Variants in GPR139 observed in about 807,000 individuals in gnomAD.
GPR139 encodes the protein G protein-coupled receptor 139, also known as probable G protein-coupled receptor 139.
A neutral mutation model predicts 25.8 loss-of-function variants in GPR139; 12 were observed. The observed-to-expected ratio is 0.47, with a 90% CI of 0.30 to 0.75. The LOEUF (loss-of-function observed/expected upper bound fraction) is 0.75, where lower values mean the gene tolerates loss of function less well. Among genes scored for constraint, GPR139 ranks in the 30% least tolerant of loss-of-function variants. GPR139 has a pLI of 0.07. For missense variants in GPR139, 380 were observed against 450.2 expected (o/e 0.84, Z 1.41); for synonymous variants, 184 against 179.9 (o/e 1.02, Z -0.18).
chr16:20,049,487 T>C (rs1382574889), intron 1 of GPR139, among the ~76,000 whole-genome samples: 1 of 152,220 alleles, frequency 6.6e-6, no homozygotes, highest in African/African-American at 2.4e-5. Flanking sequence ...ATCTGTGCAA[T>C]GGGGACATCT....
rs761008511 is a variant in GPR139, at chr16:20,032,416, A to G, written c.381T>C (p.Tyr127=). Residue 127 remains tyrosine, a synonymous_variant, in exon 2 of 2, where the codon TAT becomes TAC. Transcript: ENST00000570682. ...WITVPLTIDR[Y]IAVCHPLKYH... is the part of the protein sequence containing the mutation. ...ACTTGAGCGGGTGGCAGACAGCGAT[A>G]TACCTGTCAATGGTTAACGGTACAG... 1.1e-5 allele frequency: 18 copies of G among 1,614,090 alleles called. No individual in the cohort carries two copies. The highest frequency in any genetic ancestry group is 1.4e-5 in the Non-Finnish European group (17 of 1,180,038).
intron 1 of GPR139, among the ~76,000 whole-genome samples, chr16:20,037,554 C>T (rs775916584): frequency 8.6e-5 from 13 of 151,860 alleles, no homozygotes; most frequent in Non-Finnish European, 1.5e-4. Context: ...GCAAGTGCAA[C>T]AGCCTTGTGG....
rs778045772 is a variant in GPR139 at position 20,031,749 on chromosome 16, T to C, written c.1048A>G (p.Lys350Glu). Reference protein sequence around the residue: ...YQYDKNGKPIKVSP With the variant: ...YQYDKNGKPIEVSP ...CACCTATGGAATCACGGGGATACTT[T>C]TATAGGTTTTCCATTTTTGTCATAC... Residue 350 changes from lysine to glutamate, a missense_variant, in exon 2 of 2, where the codon AAA becomes GAA. By Grantham distance (56) the Lys-to-Glu change is moderately conservative. Transcript: ENST00000570682. 38 of 1,613,816 alleles carry C rather than the reference T, an allele frequency of 2.4e-5. No homozygotes were observed. Among genetic ancestry groups the C allele is most frequent in the Middle Eastern group, 3.3e-4 (2 of 6,084 alleles).
Position 20,073,711 on chromosome 16 carries a change from AGCTG to A in GPR139, c.-99_-96del. 2.8e-6 allele frequency: 4 copies of A among 1,415,986 alleles called. No homozygotes were observed. Among genetic ancestry groups the A allele is most frequent in the Non-Finnish European group, 2.8e-6 (3 of 1,069,928 alleles). The allele number at this position is 1,415,986 out of a possible 1,614,324, so 87.7% of individuals were successfully genotyped here. ...TGGTGGCGGCGGCGGAGGCAGCGGCAGCTGGAGCAGCAGCGCCTCTCTCCCCGCA... is the reference window on the plus strand; with the variant it reads ...TGGTGGCGGCGGCGGAGGCAGCGGCAGAGCAGCAGCGCCTCTCTCCCCGCA... On this transcript the variant is annotated 5_prime_UTR_variant, in exon 1 of 2. Transcript: ENST00000570682. This position sits in a 1 kb window ranked among gnomAD's most constrained non-coding sequence, Gnocchi z 4.7.
intron 1 of GPR139, among the ~76,000 whole-genome samples, chr16:20,069,024 A>G (rs2057448574): frequency 6.6e-6 from 1 of 152,058 alleles, no homozygotes; most frequent in Non-Finnish European, 1.5e-5. Flanking sequence ...TAGATTTGCT[A>G]ATATTTTGTT....
chr16:20,061,749 C>T (rs1123252), intron 1 of GPR139, among the ~76,000 whole-genome samples: 42,446 of 152,154 alleles, frequency 0.28, 6,775 homozygotes, highest in South Asian at 0.45. Flanking sequence ...GTCACCTCCT[C>T]CCCACGCCTG....
chr16:20,071,970 C>G (rs1197210161), intron 1 of GPR139, among the ~76,000 whole-genome samples: 1 of 152,084 alleles, frequency 6.6e-6, no homozygotes, highest in Non-Finnish European at 1.5e-5. Context: ...GAGGTTCTTA[C>G]ACTTTTCCAG....
intron 1 of GPR139, among the ~76,000 whole-genome samples, chr16:20,049,589 C>T (rs895946247): frequency 4.6e-5 from 7 of 152,234 alleles, no homozygotes; most frequent in Non-Finnish European, 1.0e-4. Context: ...AAATAGAATT[C>T]ATTTCCCTAT....
At chr16:20,041,141 G>C (rs1222358925) in intron 1 of GPR139, among the ~76,000 whole-genome samples, 3 of 536 alleles carry the variant, frequency 5.6e-3, no homozygotes, top group Admixed American at 0.019. Flanking sequence ...GAGAGGAGAG[G>C]AGAGGAGACG....
Position 20,073,564 on chromosome 16 carries a change from G to A in GPR139, c.53C>T (p.Ser18Phe). ...LAANSSLSWW[S>F]PGSACGLGFV... ...ACCCAAGCCGCAGGCCGAGCCGGGG[G>A]ACCACCAAGACAGCGAGCTGTTGGC... is the stretch of plus-strand genomic sequence containing the variant. The change falls in exon 1 of 2, where the codon TCC becomes TTC. Residue 18 changes from serine (S) to phenylalanine (F), a missense_variant. Transcript: ENST00000570682. The surrounding 1 kb of genome is among the most constrained non-coding windows in gnomAD (Gnocchi z 4.7). 6.2e-7 allele frequency: 1 copy of A among 1,612,094 alleles called. No homozygotes were observed. Among genetic ancestry groups the A allele is most frequent in the Non-Finnish European group, 8.5e-7 (1 of 1,179,366 alleles).
In GPR139 at chr16:20,029,486, T is replaced by TAAATAAATAAATAA. The variant is rs76533933; in HGVS notation, c.*2248_*2249insTTATTTATTTATTT. Among the ~76,000 whole-genome samples, 4 of 120,466 alleles carry TAAATAAATAAATAA rather than the reference T, an allele frequency of 3.3e-5. No individual in the cohort carries two copies. Among genetic ancestry groups the TAAATAAATAAATAA allele is most frequent in the Non-Finnish European group, 5.0e-5 (3 of 59,626 alleles). 79.0% of individuals were successfully genotyped at this position (120,466 alleles called of 152,430 possible). A position where few individuals can be genotyped will look rare whatever the true frequency, so the allele number is the denominator to read the frequency against. On this transcript the variant is annotated 3_prime_UTR_variant, in exon 2 of 2. Coordinates refer to ENST00000570682, the MANE Select transcript of GPR139 (RefSeq NM_001002911.4). ...CATGTTTAAAAAATAAATAAATAAA[T>TAAATAAATAAATAA]ATATATATATATATATATTCAGTAT... is the stretch of plus-strand genomic sequence containing the variant.
intron 1 of GPR139, among the ~76,000 whole-genome samples, chr16:20,061,954 T>C (rs755129370): frequency 6.6e-5 from 10 of 152,226 alleles, no homozygotes; most frequent in Admixed American, 1.3e-4. Context: ...CCTTTCCCTC[T>C]AAGCCTCAGT....
intron 1 of GPR139, among the ~76,000 whole-genome samples, chr16:20,051,099 TAAAG>T (rs1219231499): frequency 7.1e-6 from 1 of 141,218 alleles, no homozygotes; most frequent in Non-Finnish European, 1.5e-5. Flanking sequence ...AAGAAGGAAA[TAAAG>T]AAAGAAACTT....
chr16:20,056,967 A>G (rs543847255), intron 1 of GPR139, among the ~76,000 whole-genome samples: 3 of 152,344 alleles, frequency 2.0e-5, no homozygotes, highest in Admixed American at 6.5e-5. Context: ...TCAAGTAATT[A>G]AAACATCTAC....
At chr16:20,070,830 G>T in intron 1 of GPR139, 1 of 365,388 alleles carries the variant, frequency 2.7e-6, no homozygotes, top group Non-Finnish European at 3.8e-6. Context: ...CAGTGGTGGA[G>T]TAATGAGAGT....
intron 1 of GPR139, among the ~76,000 whole-genome samples, chr16:20,053,708 G>A (rs980823805): frequency 6.6e-6 from 1 of 152,088 alleles, no homozygotes; most frequent in East Asian, 1.9e-4. Flanking sequence ...TATTTCAGAG[G>A]TATCCTGATT....
intron 1 of GPR139, among the ~76,000 whole-genome samples, chr16:20,058,123 T>C (rs1405530171): frequency 6.6e-6 from 1 of 152,228 alleles, no homozygotes; most frequent in East Asian, 1.9e-4. Flanking sequence ...AAGCACTCTA[T>C]GTATATTACA....
chr16:20,038,295 T>C lies in GPR139; in HGVS notation c.128-5626A>G, dbSNP rs955621055. Among the ~76,000 whole-genome samples, 8 of 150,170 alleles carry C rather than the reference T, an allele frequency of 5.3e-5. No homozygotes were observed. The East Asian group carries it at 1.6e-3, about 30-fold the overall frequency. On this transcript the variant is annotated intron_variant, in intron 1 of 1. Transcript: ENST00000570682. ...TGCTATATATATACACACACACACATACATACAGGTTTAAGTTCCTGGATA... is the reference window on the plus strand; with the variant it reads ...TGCTATATATATACACACACACACACACATACAGGTTTAAGTTCCTGGATA...
chr16:20,049,269 CTGTG>C (rs778257030), intron 1 of GPR139, among the ~76,000 whole-genome samples: 1 of 152,160 alleles, frequency 6.6e-6, no homozygotes, highest in Non-Finnish European at 1.5e-5. Flanking sequence ...AAGGCTCTCT[CTGTG>C]TGACATCCAT....
Sources: allele counts gnomAD v4.1 joint callset (sites outside exome capture counted in the v4.1 genomes callset), GRCh38; gene constraint gnomAD v4.1.1; non-coding constraint Gnocchi (gnomAD v3.1); transcripts MANE v1.5; gene names NCBI Gene and HGNC (gene_info 2026-07-23, HGNC 2026-07-21).